VSNL1: variants seen among roughly 807,000 people sequenced by gnomAD.
VSNL1 encodes the protein visinin-like protein 1.
In VSNL1, 6 loss-of-function variants were observed where a neutral mutation model predicts 20.4. That is an observed-to-expected ratio of 0.29 (90% CI 0.16 to 0.58). The LOEUF (loss-of-function observed/expected upper bound fraction) is 0.58, where lower values mean the gene tolerates loss of function less well. Among genes scored for constraint, VSNL1 ranks in the 20% least tolerant of loss-of-function variants. The probability of loss-of-function intolerance (pLI) is 0.90; values close to 1 mark genes in which losing one functional copy is unlikely to be tolerated. For synonymous variants in VSNL1, 93 were observed against 86.4 expected (o/e 1.08, Z -0.42); for missense variants, 100 against 234.5 (o/e 0.43, Z 3.75).
chr2:17,653,876 C>T (rs1666171241), intron 3 of VSNL1, among the ~76,000 whole-genome samples: 1 of 152,152 alleles, frequency 6.6e-6, no homozygotes, highest in Non-Finnish European at 1.5e-5. Flanking sequence ...TCCCTCATGC[C>T]CAAAGGCCCG....
intron 1 of VSNL1, among the ~76,000 whole-genome samples, chr2:17,558,356 T>G (rs1374587771): frequency 1.3e-5 from 2 of 152,224 alleles, no homozygotes; most frequent in Non-Finnish European, 2.9e-5. Context: ...GACAGTATTA[T>G]TGTGGTAATT....
intron 1 of VSNL1, among the ~76,000 whole-genome samples, chr2:17,581,444 C>T (rs1299957777): frequency 1.3e-5 from 2 of 152,134 alleles, no homozygotes; most frequent in Non-Finnish European, 2.9e-5. Flanking sequence ...TCATAATTTC[C>T]ATTCATTGCT....
chr2:17,608,854 G>A (rs1012791902), intron 2 of VSNL1, among the ~76,000 whole-genome samples: 1 of 152,114 alleles, frequency 6.6e-6, no homozygotes, highest in Non-Finnish European at 1.5e-5. Context: ...ATGTTAATAT[G>A]TGTTTATCAT....
intron 2 of VSNL1, among the ~76,000 whole-genome samples, chr2:17,612,430 T>C (rs2555087): frequency 0.71 from 108,270 of 152,178 alleles, 40,219 homozygotes; most frequent in Middle Eastern, 0.89. Flanking sequence ...GACTGTGGGA[T>C]GCTGGGTAAT....
At chr2:17,540,160 T>TA (rs1458147286), upstream of VSNL1, 2 of 152,336 alleles carry the variant, frequency 1.3e-5, no homozygotes, top group East Asian at 1.9e-4. Context: ...ATGACCACCA[T>TA]AACCGTTCCT....
At chr2:17,596,569 T>C (rs1664714970) in intron 2 of VSNL1, among the ~76,000 whole-genome samples, 1 of 152,202 alleles carries the variant, frequency 6.6e-6, no homozygotes, top group Non-Finnish European at 1.5e-5. Flanking sequence ...GCTATTTTGC[T>C]TAGCCACTGT....
chr2:17,566,030 C>T (rs897882743), intron 1 of VSNL1, among the ~76,000 whole-genome samples: 1 of 152,162 alleles, frequency 6.6e-6, no homozygotes, highest in Non-Finnish European at 1.5e-5. Flanking sequence ...CCCAGCCATG[C>T]TGAACTGTGA....
At chr2:17,566,201 TTACAAAGTTAGAGTG>T (rs1311383207) in intron 1 of VSNL1, among the ~76,000 whole-genome samples, 2 of 152,208 alleles carry the variant, frequency 1.3e-5, no homozygotes, top group Non-Finnish European at 2.9e-5. Flanking sequence ...TTTTTTGCTA[TTACAAAGTTAGAGTG>T]TACATCTTTT....
chr2:17,544,030 C>G (rs1483737517), intron 1 of VSNL1, among the ~76,000 whole-genome samples: 2 of 152,110 alleles, frequency 1.3e-5, no homozygotes, highest in African/African-American at 4.8e-5. Flanking sequence ...TGGGGAAATG[C>G]TAAGGATTCT....
At chr2:17,613,835 A>G (rs976034893) in intron 2 of VSNL1, among the ~76,000 whole-genome samples, 5 of 152,236 alleles carry the variant, frequency 3.3e-5, no homozygotes, top group Non-Finnish European at 7.3e-5. Flanking sequence ...AGCTTCTTCC[A>G]TTTAAATGGT....
chr2:17,599,052 A>T (rs1159911388), intron 2 of VSNL1, among the ~76,000 whole-genome samples: 1 of 152,218 alleles, frequency 6.6e-6, no homozygotes, highest in Non-Finnish European at 1.5e-5. Flanking sequence ...CCTCCTGAGC[A>T]CTTCTATGTG....
chr2:17,592,092 C>T lies in VSNL1; in HGVS notation c.18C>T (p.Ser6=). ...CAGGCAGGATGGGGAAGCAGAATAGCAAACTGGCCCCTGAAGTGATGGAGG... is the reference window on the plus strand; with the variant it reads ...CAGGCAGGATGGGGAAGCAGAATAGTAAACTGGCCCCTGAAGTGATGGAGG... MGKQN[S]KLAPEVMEDL... is the part of the protein sequence containing the mutation. The change falls in exon 2 of 4, where the codon AGC becomes AGT. Residue 6 remains serine (S), a synonymous_variant. Coordinates refer to ENST00000295156, the MANE Select transcript of VSNL1 (RefSeq NM_003385.5). The T allele has an allele frequency of 6.2e-7, 1 of 1,613,742 alleles. No homozygotes were observed. The highest frequency in any genetic ancestry group is 8.5e-7 in the Non-Finnish European group (1 of 1,179,772).
intron 2 of VSNL1, among the ~76,000 whole-genome samples, chr2:17,647,530 A>G (rs1228048378): frequency 6.6e-6 from 1 of 152,162 alleles, no homozygotes; most frequent in African/African-American, 2.4e-5. Flanking sequence ...GCCTATTTAG[A>G]AGTTTTCAGA....
intron 1 of VSNL1, among the ~76,000 whole-genome samples, chr2:17,568,255 C>T (rs1324417094): frequency 6.6e-6 from 1 of 152,086 alleles, no homozygotes; most frequent in Non-Finnish European, 1.5e-5. Context: ...GTATACTTAA[C>T]AATTCGGCTT....
At chr2:17,622,366 C>T (rs1409420879) in intron 2 of VSNL1, among the ~76,000 whole-genome samples, 7 of 151,290 alleles carry the variant, frequency 4.6e-5, no homozygotes, top group African/African-American at 1.7e-4. Flanking sequence ...GGCATGGTGG[C>T]GGGTGCCTGT....
At position 17,622,826 on chromosome 2, in the gene VSNL1, G is replaced by C. The variant is rs76965141; in HGVS notation, c.163-26584G>C. 4.1e-3 allele frequency among the ~76,000 whole-genome samples: 631 copies of C among 152,300 alleles called. 6 individuals carry two copies. The highest frequency in any genetic ancestry group is 0.014 in the African/African-American group (585 of 41,560). On this transcript the variant is annotated intron_variant, in intron 2 of 3. Transcript: ENST00000295156. ...TTCCTGCCTCACAGATCAAATCCCA[G>C]GTCCCCACACAGGAACAGGAGAGGC...
At chr2:17,590,433 T>C (rs1361921334) in intron 1 of VSNL1, among the ~76,000 whole-genome samples, 1 of 152,134 alleles carries the variant, frequency 6.6e-6, no homozygotes, top group Non-Finnish European at 1.5e-5. Context: ...GACAGTTGCT[T>C]ATAAGAGATT....
At chr2:17,630,109 A>G (rs1246373262) in intron 2 of VSNL1, among the ~76,000 whole-genome samples, 1 of 152,256 alleles carries the variant, frequency 6.6e-6, no homozygotes, top group Non-Finnish European at 1.5e-5. Context: ...ACGAGAAAAT[A>G]GATTCTCAAT....
intron 2 of VSNL1, among the ~76,000 whole-genome samples, chr2:17,594,178 G>C (rs569849985): frequency 3.9e-5 from 6 of 152,144 alleles, no homozygotes; most frequent in Non-Finnish European, 5.9e-5. Flanking sequence ...GCGTTTTATG[G>C]TACAACTGAT....
Sources: gnomAD v4.1 joint callset for allele counts (sites outside exome capture counted in the v4.1 genomes callset) on GRCh38, gnomAD v4.1.1 for gene constraint, MANE v1.5 for transcripts, NCBI Gene and HGNC (gene_info 2026-07-23, HGNC 2026-07-21) for gene names.